Variants in ABCA12 observed in about 807,000 individuals in gnomAD.
ABCA12 encodes the protein glucosylceramide transporter ABCA12.
A neutral mutation model predicts 293.5 loss-of-function variants in ABCA12; 156 were observed. The ratio of observed to expected loss-of-function variants is 0.53; its 90% CI spans 0.47 to 0.61. The LOEUF is 0.61. Among genes scored for constraint, ABCA12 ranks in the 20% least tolerant of loss-of-function variants. The pLI is 0.00. For synonymous variants in ABCA12, 1,063 were observed against 1,108.0 expected (o/e 0.96, Z 0.81); for missense variants, 2,797 against 3,090.2 (o/e 0.91, Z 2.25).
rs769933080 is a variant in ABCA12 at position 214,973,918 on chromosome 2, CCCATTTCACTGAAACTG to C, written c.5562+14_5562+30del. The C allele has an allele frequency of 1.3e-5, 21 of 1,557,084 alleles. No individual in the cohort carries two copies. Among genetic ancestry groups the C allele is most frequent in the Non-Finnish European group, 1.8e-5 (20 of 1,128,482 alleles). ...TTTCGATATTTATTCCCGTATTTTTCCCATTTCACTGAAACTGAATTCCATCTTACCTGGACATTTTC... is the reference window on the plus strand; with the variant it reads ...TTTCGATATTTATTCCCGTATTTTTCAATTCCATCTTACCTGGACATTTTC... On this transcript the variant is annotated intron_variant, in intron 36 of 52. Coordinates refer to ENST00000272895, the MANE Select transcript of ABCA12 (RefSeq NM_173076.3).
intron 30 of ABCA12, among the ~76,000 whole-genome samples, chr2:214,981,959 TA>T (rs1559128655): frequency 0.051 from 6,847 of 134,824 alleles, 428 homozygotes; most frequent in Admixed American, 0.12. Context: ...TTATTATTAT[TA>T]TTATTATTAT....
At chr2:214,939,494 T>C (rs1054320155) in intron 50 of ABCA12, among the ~76,000 whole-genome samples, 1 of 152,234 alleles carries the variant, frequency 6.6e-6, no homozygotes, top group Non-Finnish European at 1.5e-5. Flanking sequence ...TTTCTAATTC[T>C]GTGAAGAAAG....
At chr2:214,938,601 T>C (rs1300290971) in intron 50 of ABCA12, among the ~76,000 whole-genome samples, 1 of 152,222 alleles carries the variant, frequency 6.6e-6, no homozygotes, top group South Asian at 2.1e-4. Context: ...AGTGTTCCTA[T>C]TTCTCCACAT....
intron 19 of ABCA12, 94 bp downstream of exon 19, chr2:215,007,633 G>T: frequency 6.6e-7 from 1 of 1,504,836 alleles, no homozygotes; most frequent in African/African-American, 1.4e-5. Context: ...GTTGAATACG[G>T]AAAGTTACCC....
intron 1 of ABCA12, among the ~76,000 whole-genome samples, chr2:215,125,875 T>C (rs1575060583): frequency 6.6e-6 from 1 of 152,154 alleles, no homozygotes; most frequent in Non-Finnish European, 1.5e-5. Context: ...CTTGTTCCAG[T>C]TCTCAGAGGG....
chr2:215,133,490 T>C (rs1703109582), intron 1 of ABCA12, among the ~76,000 whole-genome samples: 1 of 152,062 alleles, frequency 6.6e-6, no homozygotes, highest in Admixed American at 6.6e-5. Context: ...TTATCTAGTC[T>C]TTCAGCCTGC....
intron 39 of ABCA12, among the ~76,000 whole-genome samples, chr2:214,960,817 C>G (rs573964380): frequency 6.6e-6 from 1 of 152,050 alleles, no homozygotes; most frequent in African/African-American, 2.4e-5. Context: ...AGTTGTATAA[C>G]ATTTGTTAAG....
chr2:215,045,626 G>C (rs1701186200), intron 7 of ABCA12, among the ~76,000 whole-genome samples: 1 of 152,110 alleles, frequency 6.6e-6, no homozygotes, highest in Non-Finnish European at 1.5e-5. Flanking sequence ...GTTCCTCGTG[G>C]ATGCTTCCAT....
chr2:215,128,254 A>C (rs1323885455), intron 1 of ABCA12, among the ~76,000 whole-genome samples: 1 of 152,128 alleles, frequency 6.6e-6, no homozygotes, highest in Non-Finnish European at 1.5e-5. Context: ...TTAATTTTGG[A>C]TAACCCGATG....
At chr2:215,099,564 A>G (rs1003107447) in intron 2 of ABCA12, among the ~76,000 whole-genome samples, 1 of 152,028 alleles carries the variant, frequency 6.6e-6, no homozygotes, top group Admixed American at 6.6e-5. Context: ...ACGGTGGCGT[A>G]TGCCTGTAAT....
At chr2:214,953,208 G>A (rs1277580576) in intron 44 of ABCA12, among the ~76,000 whole-genome samples, 1 of 152,124 alleles carries the variant, frequency 6.6e-6, no homozygotes, top group Non-Finnish European at 1.5e-5. Context: ...TCTAATGGCT[G>A]TTTAATGTTC....
Position 214,980,564 on chromosome 2 carries a change from A to T in ABCA12, c.4659T>A (p.Gly1553=). The change falls in exon 31 of 53, where the codon GGT becomes GGA. Residue 1553 remains glycine (G), a synonymous_variant. Transcript: ENST00000272895. ...LSDRIAFLEQ[G]GLRCCGSPFY... ...ATGGGGACCCACAGCACCTAAGCCC[A>T]CCCTGCTCCAGGAAGGCGATGCGGT... 1 of 1,613,878 alleles carries T rather than the reference A, an allele frequency of 6.2e-7. No homozygotes were observed. The highest frequency in any genetic ancestry group is 8.5e-7 in the Non-Finnish European group (1 of 1,179,966).
At chr2:215,118,054 C>T (rs1702720499) in intron 1 of ABCA12, among the ~76,000 whole-genome samples, 1 of 152,174 alleles carries the variant, frequency 6.6e-6, no homozygotes, top group South Asian at 2.1e-4. Flanking sequence ...CCCCTACAGA[C>T]ATTTGAGTCT....
At chr2:215,031,752 G>A (rs1700882273) in intron 9 of ABCA12, 69 bp downstream of exon 9, 3 of 1,585,140 alleles carry the variant, frequency 1.9e-6, no homozygotes, top group Non-Finnish European at 2.6e-6. Context: ...AGCGAATTAT[G>A]TTTAGAAATT....
At chr2:215,112,972 A>T (rs1188054561) in intron 1 of ABCA12, among the ~76,000 whole-genome samples, 1 of 152,200 alleles carries the variant, frequency 6.6e-6, no homozygotes, top group South Asian at 2.1e-4. Flanking sequence ...ATATGCAAAT[A>T]GTTATGGTGC....
intron 26 of ABCA12, 54 bp from the exon 27 acceptor site, chr2:214,987,847 T>C: frequency 1.9e-6 from 3 of 1,591,018 alleles, no homozygotes; most frequent in Non-Finnish European, 1.7e-6. Flanking sequence ...TTAACATTTA[T>C]CATCAGAAAC....
intron 2 of ABCA12, among the ~76,000 whole-genome samples, chr2:215,106,156 C>A (rs988581373): frequency 6.6e-6 from 1 of 152,172 alleles, no homozygotes; most frequent in Admixed American, 6.5e-5. Flanking sequence ...CTTTCACAAC[C>A]CTCATCAGTG....
At chr2:214,983,263 T>A (rs1281319505) in intron 29 of ABCA12, among the ~76,000 whole-genome samples, 1 of 152,126 alleles carries the variant, frequency 6.6e-6, no homozygotes, top group Admixed American at 6.5e-5. Context: ...ACGATTTAAA[T>A]CCAGGAGTGA....
intron 2 of ABCA12, among the ~76,000 whole-genome samples, chr2:215,078,952 T>A (rs1701885462): frequency 6.6e-6 from 1 of 152,112 alleles, no homozygotes; most frequent in South Asian, 2.1e-4. Context: ...TAAAAGAAAG[T>A]GGGATGTGAA....
Sources: allele counts gnomAD v4.1 joint callset (sites outside exome capture counted in the v4.1 genomes callset), GRCh38; gene constraint gnomAD v4.1.1; transcripts MANE v1.5; gene names NCBI Gene and HGNC (gene_info 2026-07-23, HGNC 2026-07-21).